MCM7: variants seen among roughly 807,000 people sequenced by gnomAD.
MCM7 encodes minichromosome maintenance complex component 7.
Under a neutral mutation model 83.5 loss-of-function variants are expected in MCM7, and 95 were observed. That is an observed-to-expected ratio of 1.14 (90% CI 0.96 to 1.35). The LOEUF is 1.35. MCM7 is among the 40% of genes most tolerant of loss of function. The pLI is 0.00. For synonymous variants in MCM7, 461 were observed against 352.7 expected, an observed-to-expected ratio of 1.31 and a Z score of -3.44; for missense variants, 1,087 against 957.4, an observed-to-expected ratio of 1.14 and a Z score of -1.79.
intron 8 of MCM7, 31 bp downstream of exon 8, chr7:100,097,803 C>T (rs1434373767): frequency 6.2e-6 from 10 of 1,614,004 alleles, no homozygotes; most frequent in African/African-American, 1.3e-5. Context: ...AGGATGTAAA[C>T]GGAATTTCCT....
chr7:100,100,087 A>G lies in MCM7; in HGVS notation c.38T>C (p.Val13Ala). The change falls in exon 2 of 15, where the codon GTT (valine) becomes GCT (alanine). Residue 13 changes from valine (V) to alanine (A), a missense_variant. Physicochemically the swap from Val to Ala is moderately conservative, Grantham distance 64. Transcript: ENST00000303887. ...LKDYALEKEK[V>A]KKFLQEFYQD... ...GTAGAACTCTTGTAAGAACTTCTTAACCTTTTCTGTAACATGAAATGTAAA... is the reference window on the plus strand; with the variant it reads ...GTAGAACTCTTGTAAGAACTTCTTAGCCTTTTCTGTAACATGAAATGTAAA... 1 of 1,613,968 alleles carries G rather than the reference A, an allele frequency of 6.2e-7. No homozygotes were observed. The highest frequency in any genetic ancestry group is 8.5e-7 in the Non-Finnish European group (1 of 1,179,942).
At position 100,099,408 on chromosome 7, in the gene MCM7, A is replaced by T. The variant is rs751079651; in HGVS notation, c.277-5T>A. 6.3e-7 allele frequency: 1 copy of T among 1,576,664 alleles called. No individual in the cohort carries two copies. The highest frequency in any genetic ancestry group is 1.9e-5 in the Admixed American group (1 of 52,842). ...CAGGACATCTTTATTTACCACCTAA[A>T]GGAGAAGAACAAAAAAAAAAAAAAA... On this transcript the variant is annotated splice_region_variant and splice_polypyrimidine_tract_variant and intron_variant, in intron 3 of 14. Transcript: ENST00000303887.
In MCM7 at chr7:100,098,236, C is replaced by T. The variant is rs779914765; in HGVS notation, c.775G>A (p.Gly259Arg). The change falls in exon 7 of 15, where the codon GGA becomes AGA. Residue 259 changes from glycine (G) to arginine (R), a missense_variant. Transcript: ENST00000303887. The stretch of plus-strand genomic sequence containing the variant: ...GGCTGGGCAATCCTTGTGTTCTCTC[C>T]TTCTACCAGCACCGTGATACTACGA... ...IPRSITVLVEGENTRIAQPGD... is the reference protein window; with the variant it reads ...IPRSITVLVERENTRIAQPGD... The T allele has an allele frequency of 1.9e-6, 3 of 1,614,120 alleles. No homozygotes were observed. The highest frequency in any genetic ancestry group is 2.5e-6 in the Non-Finnish European group (3 of 1,180,012).
In MCM7 at chr7:100,101,273, G is replaced by A; in HGVS notation, c.22C>T (p.Leu8=). 6.2e-7 allele frequency: 1 copy of A among 1,613,250 alleles called. No individual in the cohort carries two copies. The highest frequency in any genetic ancestry group is 2.2e-5 in the East Asian group (1 of 44,874). MALKDYA[L]EKEKVKKFLQ... is the part of the protein sequence containing the mutation. The stretch of plus-strand genomic sequence containing the variant: ...GCTCGTAGACCCGTACCCTTCTCTA[G>A]CGCGTAGTCCTTCAGTGCCATCGCT... The change falls in exon 1 of 15, where the codon CTA becomes TTA. Residue 8 remains leucine (L), a synonymous_variant. Coordinates refer to ENST00000303887, the MANE Select transcript of MCM7 (RefSeq NM_005916.5).
rs2307353 is a variant in MCM7, at chr7:100,094,114, T to C, written c.1848+59A>G. On this transcript the variant is annotated intron_variant, in intron 13 of 14. Coordinates refer to ENST00000303887, the MANE Select transcript of MCM7 (RefSeq NM_005916.5). Reference sequence around the variant, plus strand: ...TGGGGAGGCGGCAATGAGAGCACGGTAAGGAGCTACCCCTTTAAGGGTCAA... The same window carrying C: ...TGGGGAGGCGGCAATGAGAGCACGGCAAGGAGCTACCCCTTTAAGGGTCAA... 6.0e-5 allele frequency: 96 copies of C among 1,608,212 alleles called. No individual in the cohort carries two copies. The East Asian group carries it at 1.1e-3, about 19-fold the overall frequency.
Position 100,097,649 on chromosome 7 carries a change from C to G in MCM7, c.1082G>C (p.Gly361Ala), listed in dbSNP as rs779905639. The G allele has an allele frequency of 1.9e-6, 3 of 1,614,144 alleles. No individual in the cohort carries two copies. Among genetic ancestry groups the G allele is most frequent in the Non-Finnish European group, 2.5e-6 (3 of 1,180,044 alleles). ...CATGCCTCGAGGAGACTGGTCCACA[C>G]CCCCGACTAGCAGGAGCAGCAGTGC... Reference protein sequence around the residue: ...KKALLLLLVGGVDQSPRGMKI... With the variant: ...KKALLLLLVGAVDQSPRGMKI... The change falls in exon 9 of 15, where the codon GGT becomes GCT. Residue 361 changes from glycine to alanine, a missense_variant. Gly to Ala is a moderately conservative substitution (Grantham distance 60). Coordinates refer to ENST00000303887, the MANE Select transcript of MCM7 (RefSeq NM_005916.5).
chr7:100,100,310 T>A, intron 1 of MCM7: 1 of 1,285,242 alleles, frequency 7.8e-7, no homozygotes, highest in Admixed American at 3.6e-5. Context: ...CCATCCAACA[T>A]CTCCCCAGGG....
chr7:100,096,037 A>G lies in MCM7; in HGVS notation c.1332T>C (p.Ile444=). Residue 444 remains isoleucine (I), a synonymous_variant, in exon 11 of 15, where the codon ATT becomes ATC. Transcript: ENST00000303887. ...CCTCAGCCATCTTGTCGAACTCATC[A>G]ATGCAGCACACACCCTGGTCAGCCA... The part of the protein sequence containing the change: ...LVLADQGVCC[I]DEFDKMAEAD... 1 of 1,613,884 alleles carries G rather than the reference A, an allele frequency of 6.2e-7. No individual in the cohort carries two copies. The highest frequency in any genetic ancestry group is 8.5e-7 in the Non-Finnish European group (1 of 1,179,974).
chr7:100,100,849 C>T, intron 1 of MCM7: 1 of 1,021,126 alleles, frequency 9.8e-7, no homozygotes, highest in Non-Finnish European at 1.2e-6. Flanking sequence ...GCGGCCCCGG[C>T]CTGCCCGCCC....
At chr7:100,099,973 G>T in intron 2 of MCM7, 41 bp downstream of exon 2, 1 of 1,569,844 alleles carries the variant, frequency 6.4e-7, no homozygotes, top group Non-Finnish European at 8.8e-7. Context: ...GGCTCCTTAA[G>T]CACCCCGCTC....
chr7:100,100,849 C>G, intron 1 of MCM7: 1 of 1,021,126 alleles, frequency 9.8e-7, no homozygotes, highest in Non-Finnish European at 1.2e-6. Context: ...GCGGCCCCGG[C>G]CTGCCCGCCC....
In MCM7 at chr7:100,096,149, C is replaced by CG. The variant is rs1206079690; in HGVS notation, c.1219dup (p.Arg407ProfsTer32). ...CGTAAGCCCCACTCCTGAGGAGCCC[C>CG]GGCCTGTTGTGTACTGGCCTGGAAG... On this transcript the variant is annotated frameshift_variant, in exon 11 of 15. Transcript: ENST00000303887. LOFTEE classifies it high-confidence loss of function. 1 of 1,606,954 alleles carries CG rather than the reference C, an allele frequency of 6.2e-7. No homozygotes were observed. The highest frequency in any genetic ancestry group is 1.1e-5 in the South Asian group (1 of 90,272).
At chr7:100,094,011 A>G in intron 13 of MCM7, 162 bp downstream of exon 13, 1 of 916,030 alleles carries the variant, frequency 1.1e-6, no homozygotes, top group Non-Finnish European at 1.8e-6. Flanking sequence ...AGCAGCAAGT[A>G]CCCACAGTGC....
chr7:100,099,285 C>G lies in MCM7; in HGVS notation c.395G>C (p.Arg132Pro). 6.2e-7 allele frequency: 1 copy of G among 1,614,156 alleles called. No homozygotes were observed. The change falls in exon 4 of 15, where the codon CGC (arginine) becomes CCC (proline). Residue 132 changes from arginine to proline, a missense_variant. Physicochemically the swap from Arg to Pro is moderately radical, Grantham distance 103. Transcript: ENST00000303887. ...CCCGACAGAGACCACTCACAATCTG[C>G]GCATGAGTTCAGCAGGGTACTGGTT... ...PQNQYPAELM[R>P]RFELYFQGPS...
At chr7:100,100,911 A>G in intron 1 of MCM7, 3 of 1,054,124 alleles carry the variant, frequency 2.8e-6, no homozygotes, top group Non-Finnish European at 3.5e-6. Context: ...AATGCCCAAA[A>G]GCGCGAAGGA....
chr7:100,096,478 CT>C (rs372744292), intron 10 of MCM7, among the ~76,000 whole-genome samples: 11 of 152,284 alleles, frequency 7.2e-5, no homozygotes, highest in African/African-American at 2.6e-4. Flanking sequence ...ATTTTTAAAA[CT>C]TTTTAGTAGA....
chr7:100,097,399 G>A lies in MCM7; in HGVS notation c.1118-15C>T. Reference sequence around the variant, plus strand: ...GTTGATGTTGCCTGGAGGAAGGGAAGGCAGCCCTGGAATGACTCTTCTCCC... The same window carrying A: ...GTTGATGTTGCCTGGAGGAAGGGAAAGCAGCCCTGGAATGACTCTTCTCCC... On this transcript the variant is annotated splice_polypyrimidine_tract_variant and intron_variant, in intron 9 of 14. Coordinates refer to ENST00000303887, the MANE Select transcript of MCM7 (RefSeq NM_005916.5). 1 of 1,613,694 alleles carries A rather than the reference G, an allele frequency of 6.2e-7. No individual in the cohort carries two copies. Among genetic ancestry groups the A allele is most frequent in the Non-Finnish European group, 8.5e-7 (1 of 1,179,618 alleles).
chr7:100,097,791 C>G (rs1795720924), intron 8 of MCM7, 43 bp downstream of exon 8: 3 of 1,613,834 alleles, frequency 1.9e-6, no homozygotes, highest in Admixed American at 3.3e-5. Flanking sequence ...GAAAAGGGAG[C>G]TAGGATGTAA....
In MCM7 at chr7:100,094,315, T is replaced by C; in HGVS notation, c.1706A>G (p.Lys569Arg). 6.2e-7 allele frequency: 1 copy of C among 1,614,158 alleles called. No individual in the cohort carries two copies. Among genetic ancestry groups the C allele is most frequent in the Non-Finnish European group, 8.5e-7 (1 of 1,180,032 alleles). Residue 569 changes from lysine (K) to arginine (R), a missense_variant, in exon 13 of 15, where the codon AAG (lysine) becomes AGG (arginine). Physicochemically the swap from Lys to Arg is conservative, Grantham distance 26 (BLOSUM62 2). Coordinates refer to ENST00000303887, the MANE Select transcript of MCM7 (RefSeq NM_005916.5). Reference sequence around the variant, plus strand: ...CAGAGACTCTGGCACCATGGGCTGCTTCTCGCGGCACATGGCTATGTAACG... The same window carrying C: ...CAGAGACTCTGGCACCATGGGCTGCCTCTCGCGGCACATGGCTATGTAACG... ...MRRYIAMCRE[K>R]QPMVPESLAD...
Sources: gnomAD v4.1 joint callset for allele counts (sites outside exome capture counted in the v4.1 genomes callset) on GRCh38, gnomAD v4.1.1 for gene constraint, MANE v1.5 for transcripts, NCBI Gene and HGNC (gene_info 2026-07-23, HGNC 2026-07-21) for gene names.